ATP2B1: variants seen among roughly 807,000 people sequenced by gnomAD.
ATP2B1 encodes the protein ATPase plasma membrane Ca2+ transporting 1.
Under a neutral mutation model 124.2 loss-of-function variants are expected in ATP2B1, and 14 were observed. The observed-to-expected ratio is 0.11, with a 90% confidence interval of 0.07 to 0.18. The LOEUF is 0.18. Among genes scored for constraint, ATP2B1 ranks in the 10% least tolerant of loss-of-function variants. The pLI, the probability that ATP2B1 is intolerant of heterozygous loss-of-function variation, is 1.00. For missense variants in ATP2B1, 763 were observed against 1,466.1 expected, an observed-to-expected ratio of 0.52 and a Z score of 7.83; for synonymous variants, 449 against 492.4, an observed-to-expected ratio of 0.91 and a Z score of 1.17.
intron 1 of ATP2B1, among the ~76,000 whole-genome samples, chr12:89,677,954 T>TTATATATATATATGTATATG (rs1491452210): frequency 1.5e-5 from 1 of 68,762 alleles, no homozygotes; most frequent in Non-Finnish European, 2.9e-5. Flanking sequence ...CATGCAGGAA[T>TTATATATATATATGTATATG]TATATATATA....
chr12:89,694,240 TACA>T, intron 1 of ATP2B1, among the ~76,000 whole-genome samples: 1 of 152,334 alleles, frequency 6.6e-6, no homozygotes, highest in Admixed American at 6.5e-5. Flanking sequence ...TATATTCAAC[TACA>T]TAATCTGTCC....
Position 89,617,020 on chromosome 12 carries a change from C to T in ATP2B1, c.1849G>A (p.Ala617Thr). 1 of 1,613,744 alleles carries T rather than the reference C, an allele frequency of 6.2e-7. No homozygotes were observed. The highest frequency in any genetic ancestry group is 8.5e-7 in the Non-Finnish European group (1 of 1,179,758). The change falls in exon 12 of 21, where the codon GCT becomes ACT. Residue 617 changes from alanine to threonine, a missense_variant. Transcript: ENST00000428670. The stretch of plus-strand genomic sequence containing the variant: ...CTGAATACTTTTGCCTCACCATTAG[C>T]ACTCAAGATTTTGAAACACCTAAAA... ...ILKKCFKILS[A>T]NGEAKVFRPR...
intron 1 of ATP2B1, among the ~76,000 whole-genome samples, chr12:89,665,699 CTGTGTTTT>C (rs1887233618): frequency 6.6e-6 from 1 of 152,204 alleles, no homozygotes; most frequent in East Asian, 1.9e-4. Context: ...TAAATTAAAA[CTGTGTTTT>C]TCCTTCTGTT....
chr12:89,619,053 A>C (rs1879491716), intron 11 of ATP2B1, among the ~76,000 whole-genome samples: 1 of 152,172 alleles, frequency 6.6e-6, no homozygotes, highest in Admixed American at 6.5e-5. Flanking sequence ...ACCTTTAATA[A>C]CAAATAAACA....
intron 14 of ATP2B1, 87 bp from the exon 15 acceptor site, chr12:89,610,130 A>C: frequency 8.5e-7 from 1 of 1,182,596 alleles, no homozygotes; most frequent in Non-Finnish European, 1.2e-6. Flanking sequence ...GGTTTTATAG[A>C]CTCAAGGTTA....
At chr12:89,596,398 A>C (rs919621550) in intron 20 of ATP2B1, among the ~76,000 whole-genome samples, 1 of 152,120 alleles carries the variant, frequency 6.6e-6, no homozygotes, top group Non-Finnish European at 1.5e-5. Context: ...CAGGTTGGAG[A>C]CTAGACTCAT....
At chr12:89,662,064 T>C (rs1279616250) in intron 1 of ATP2B1, among the ~76,000 whole-genome samples, 1 of 152,170 alleles carries the variant, frequency 6.6e-6, no homozygotes, top group African/African-American at 2.4e-5. Flanking sequence ...GAAAAGTTAT[T>C]TAAAGGCAAC....
intron 1 of ATP2B1, among the ~76,000 whole-genome samples, chr12:89,699,947 C>T (rs1174670451): frequency 2.0e-5 from 3 of 151,826 alleles, no homozygotes; most frequent in Admixed American, 6.6e-5. Flanking sequence ...TAGAATCAAG[C>T]GATCCTCCTA....
chr12:89,668,271 T>C (rs1001621774), intron 1 of ATP2B1, among the ~76,000 whole-genome samples: 1 of 152,186 alleles, frequency 6.6e-6, no homozygotes, highest in Non-Finnish European at 1.5e-5. Context: ...CATGTTCTTT[T>C]ATAGCCCCTA....
At chr12:89,648,045 T>C (rs1266882659) in intron 2 of ATP2B1, among the ~76,000 whole-genome samples, 1 of 152,168 alleles carries the variant, frequency 6.6e-6, no homozygotes, top group Non-Finnish European at 1.5e-5. Context: ...ATCTCTTTTC[T>C]TTATAAATTA....
intron 2 of ATP2B1, among the ~76,000 whole-genome samples, chr12:89,648,936 C>T (rs939670019): frequency 2.6e-5 from 4 of 152,230 alleles, no homozygotes; most frequent in Admixed American, 2.6e-4. Flanking sequence ...GGGTGCAAGC[C>T]GTAAGCCTTG....
At chr12:89,613,132 A>T (rs933939824) in intron 12 of ATP2B1, among the ~76,000 whole-genome samples, 1 of 152,004 alleles carries the variant, frequency 6.6e-6, no homozygotes, top group Non-Finnish European at 1.5e-5. Flanking sequence ...GGTACACGCC[A>T]CCATGCACAG....
intron 1 of ATP2B1, among the ~76,000 whole-genome samples, chr12:89,669,605 C>T (rs1402990727): frequency 1.3e-5 from 2 of 152,118 alleles, no homozygotes; most frequent in African/African-American, 4.8e-5. Flanking sequence ...AATGAATTAC[C>T]ATATGAACTA....
intron 5 of ATP2B1, among the ~76,000 whole-genome samples, chr12:89,632,862 G>A (rs1882095121): frequency 6.6e-6 from 1 of 152,164 alleles, no homozygotes; most frequent in South Asian, 2.1e-4. Context: ...TATACTTGGT[G>A]TGTTAGGAAC....
chr12:89,624,855 T>C (rs796652666), intron 8 of ATP2B1, among the ~76,000 whole-genome samples: 109 of 152,360 alleles, frequency 7.2e-4, no homozygotes, highest in African/African-American at 2.3e-3. Flanking sequence ...AATAAAATTA[T>C]ATAACACAAA....
chr12:89,698,813 G>A (rs1390952547), intron 1 of ATP2B1, among the ~76,000 whole-genome samples: 1 of 152,148 alleles, frequency 6.6e-6, no homozygotes, highest in African/African-American at 2.4e-5. Flanking sequence ...GGTTAGATAA[G>A]ACACTTCTAT....
intron 7 of ATP2B1, among the ~76,000 whole-genome samples, chr12:89,627,396 C>CAAA (rs59737003): frequency 1.1e-5 from 1 of 91,290 alleles, no homozygotes; most frequent in African/African-American, 3.7e-5. Flanking sequence ...TTCCAAAATC[C>CAAA]AAAAAAAAAA....
chr12:89,632,991 G>A (rs942769140), intron 5 of ATP2B1, among the ~76,000 whole-genome samples: 46 of 152,270 alleles, frequency 3.0e-4, no homozygotes, highest in Middle Eastern at 6.8e-3. Context: ...GTACATAAAA[G>A]TCCATGCAGT....
chr12:89,661,907 T>C (rs910365502), intron 1 of ATP2B1, among the ~76,000 whole-genome samples: 9 of 152,166 alleles, frequency 5.9e-5, no homozygotes, highest in African/African-American at 1.7e-4. Flanking sequence ...AGTTTAAAAA[T>C]CCAGCCCTAC....
Sources: allele counts gnomAD v4.1 joint callset (sites outside exome capture counted in the v4.1 genomes callset), GRCh38; gene constraint gnomAD v4.1.1; transcripts MANE v1.5; gene names NCBI Gene and HGNC (gene_info 2026-07-23, HGNC 2026-07-21).